Variants in MGAT4C observed in about 807,000 individuals in gnomAD.
MGAT4C encodes the protein alpha-1,3-mannosyl-glycoprotein 4-beta-N-acetylglucosaminyltransferase C.
In MGAT4C, 19 loss-of-function variants were observed where a neutral mutation model predicts 40.1. The observed-to-expected ratio is 0.47, with a 90% CI of 0.33 to 0.70. MGAT4C has a LOEUF of 0.70. MGAT4C is among the 30% of genes least tolerant of loss of function. MGAT4C has a pLI of 0.02. For missense variants in MGAT4C, 491 were observed against 563.2 expected (o/e 0.87, Z 1.30); for synonymous variants, 181 against 187.1 (o/e 0.97, Z 0.27).
intron 1 of MGAT4C, among the ~76,000 whole-genome samples, chr12:86,247,576 T>G (rs2136064492): frequency 6.6e-6 from 1 of 152,310 alleles, no homozygotes; most frequent in South Asian, 2.1e-4. Context: ...TCTGGCCTCA[T>G]CAGGAAGGTC....
upstream of MGAT4C, among the ~76,000 whole-genome samples, chr12:86,256,737 A>G (rs887013091): frequency 1.1e-4 from 17 of 152,310 alleles, 1 homozygote; most frequent in South Asian, 2.3e-3. Context: ...ATATTAAAGG[A>G]CAAGATGTAT....
intron 2 of MGAT4C, among the ~76,000 whole-genome samples, chr12:86,557,473 C>A (rs1959664829): frequency 6.6e-6 from 1 of 152,084 alleles, no homozygotes; most frequent in South Asian, 2.1e-4. Context: ...ATTATCTGGG[C>A]CCTCTGGATA....
In MGAT4C at chr12:86,774,401, CTCT is replaced by C. The variant is rs764403447; in HGVS notation, c.-261-47163_-261-47161del. On this transcript the variant is annotated intron_variant, in intron 1 of 7. Coordinates refer to the MGAT4C transcript ENST00000548651. ...GTCTGTCTCTCTCTCTCTCTCCTCT[CTCT>C]CTCTCTCTCTCTCTCTCTTTCTTTC... Among the ~76,000 whole-genome samples, 157 of 61,564 alleles carry C rather than the reference CTCT, an allele frequency of 2.6e-3. 11 individuals carry two copies. Among genetic ancestry groups the C allele is most frequent in the Admixed American group, 0.018 (66 of 3,720 alleles). 40.4% of individuals were successfully genotyped at this position (61,564 alleles called of 152,430 possible). A position where few individuals can be genotyped will look rare whatever the true frequency, so the allele number is the denominator to read the frequency against.
intron 2 of MGAT4C, among the ~76,000 whole-genome samples, chr12:86,700,064 ATAAGATAGATAGATAATG>A (rs1422964769): frequency 3.3e-5 from 5 of 151,612 alleles, no homozygotes; most frequent in Admixed American, 1.3e-4. Context: ...AGATAGATAG[ATAAGATAGATAGATAATG>A]TAGATAGATG....
chr12:86,650,297 T>C (rs1217975682), intron 2 of MGAT4C, among the ~76,000 whole-genome samples: 1 of 151,952 alleles, frequency 6.6e-6, no homozygotes, highest in Non-Finnish European at 1.5e-5. Context: ...ATATTTCTTA[T>C]GTGCCTTCAA....
chr12:86,148,208 A>G (rs1271244053), intron 1 of MGAT4C, among the ~76,000 whole-genome samples: 1 of 152,202 alleles, frequency 6.6e-6, no homozygotes, highest in African/African-American at 2.4e-5. Context: ...GAGTGAAAGG[A>G]GAGAACCAGG....
At chr12:86,744,918 A>G (rs559436233) in intron 1 of MGAT4C, 1 of 151,744 alleles carries the variant, frequency 6.6e-6, no homozygotes, top group South Asian at 2.1e-4. Context: ...TAAAATGTGT[A>G]TTGGTTCTGG....
chr12:86,511,963 T>C (rs143326612), intron 2 of MGAT4C, among the ~76,000 whole-genome samples: 1 of 152,112 alleles, frequency 6.6e-6, no homozygotes, highest in Non-Finnish European at 1.5e-5. Context: ...AGGCAATTTA[T>C]GAATTTGGAG....
intron 3 of MGAT4C, among the ~76,000 whole-genome samples, chr12:86,406,521 A>G (rs1956478252): frequency 6.6e-6 from 1 of 152,102 alleles, no homozygotes; most frequent in Non-Finnish European, 1.5e-5. Context: ...TGGAAAATGC[A>G]AATTAAATCA....
chr12:86,719,736 A>T (rs938190543), intron 2 of MGAT4C, among the ~76,000 whole-genome samples: 2 of 152,134 alleles, frequency 1.3e-5, no homozygotes, highest in African/African-American at 2.4e-5. Flanking sequence ...TTAAATTTAT[A>T]CTGTCCCTGT....
intron 1 of MGAT4C, among the ~76,000 whole-genome samples, chr12:86,159,858 A>G (rs571107931): frequency 6.7e-4 from 102 of 151,910 alleles, no homozygotes; most frequent in African/African-American, 2.4e-3. Flanking sequence ...GGTTCTGAGG[A>G]TGTATTTGTG....
intron 1 of MGAT4C, among the ~76,000 whole-genome samples, chr12:86,064,386 AAGAAAT>A (rs1248187841): frequency 6.6e-6 from 1 of 152,224 alleles, no homozygotes; most frequent in Non-Finnish European, 1.5e-5. Flanking sequence ...TCTCAAAAAA[AAGAAAT>A]AAAATAAAAT....
At chr12:86,223,494 C>A (rs537800504) in intron 1 of MGAT4C, among the ~76,000 whole-genome samples, 1 of 152,192 alleles carries the variant, frequency 6.6e-6, no homozygotes, top group Non-Finnish European at 1.5e-5. Context: ...AACCACATGA[C>A]CCACAGCTAC....
intron 3 of MGAT4C, among the ~76,000 whole-genome samples, chr12:86,342,061 G>A (rs191726228): frequency 6.6e-6 from 1 of 152,108 alleles, no homozygotes; most frequent in Admixed American, 6.6e-5. Flanking sequence ...TCTCTGGGGG[G>A]GACCTCTCAA....
At chr12:86,505,328 G>C (rs1168038336) in intron 2 of MGAT4C, among the ~76,000 whole-genome samples, 3 of 152,154 alleles carry the variant, frequency 2.0e-5, no homozygotes, top group African/African-American at 7.2e-5. Context: ...CTTTCTCAAT[G>C]CAGGAGATGA....
At chr12:86,216,542 T>G (rs957728073) in intron 1 of MGAT4C, among the ~76,000 whole-genome samples, 2 of 152,210 alleles carry the variant, frequency 1.3e-5, no homozygotes, top group African/African-American at 4.8e-5. Flanking sequence ...ATTTTTTAAT[T>G]AAAATGATAA....
chr12:86,070,739 G>A (rs118045126), intron 1 of MGAT4C, among the ~76,000 whole-genome samples: 2,400 of 151,940 alleles, frequency 0.016, 35 homozygotes, highest in South Asian at 0.038. Context: ...ATACTTACCA[G>A]GACAGAGTAG....
At chr12:86,179,788 T>A (rs981845577) in intron 1 of MGAT4C, among the ~76,000 whole-genome samples, 8 of 152,154 alleles carry the variant, frequency 5.3e-5, no homozygotes, top group African/African-American at 1.9e-4. Flanking sequence ...GTTAAAAGCA[T>A]TCCATTTTAA....
rs181225131 is a variant in MGAT4C at position 86,581,273 on chromosome 12, A to G, written c.-229+145936T>C. ...TAGTGGTTGTTGAGAGACAGTTTTG[A>G]TAGTGGTGTCTTCCTTGTGCCTAGA... On this transcript the variant is annotated intron_variant, in intron 2 of 7. Coordinates refer to the MGAT4C transcript ENST00000548651. Among the ~76,000 whole-genome samples the G allele has an allele frequency of 4.6e-5, 7 of 151,552 alleles. No individual in the cohort carries two copies. The Admixed American group carries it at 4.6e-4, about 10-fold the overall frequency.
Sources: gnomAD v4.1 joint callset for allele counts (sites outside exome capture counted in the v4.1 genomes callset) on GRCh38, gnomAD v4.1.1 for gene constraint, MANE v1.5 for transcripts, NCBI Gene and HGNC (gene_info 2026-07-23, HGNC 2026-07-21) for gene names.